Variants in CENPP observed in about 807,000 individuals in gnomAD.
The protein encoded by CENPP is centromere protein P.
A neutral mutation model predicts 35.6 loss-of-function variants in CENPP; 24 were observed. The ratio of observed to expected loss-of-function variants is 0.67; its 90% confidence interval spans 0.49 to 0.95. CENPP has a LOEUF of 0.95. CENPP is among the 40% of genes least tolerant of loss of function. The pLI, the probability that CENPP is intolerant of heterozygous loss-of-function variation, is 0.00. For synonymous variants in CENPP, 120 were observed against 125.5 expected, an observed-to-expected ratio of 0.96 and a Z score of 0.29; for missense variants, 332 against 345.3, an observed-to-expected ratio of 0.96 and a Z score of 0.31.
rs1263361470 is a variant in CENPP, at chr9:92,551,937, A to T, written c.565-59377A>T. On this transcript the variant is annotated intron_variant, in intron 5 of 7. Coordinates refer to ENST00000375587, the MANE Select transcript of CENPP (RefSeq NM_001012267.3). ...ATATGGTGTGTGTGTATATATATAT[A>T]TATATATATATATATGATATATATA... is the stretch of plus-strand genomic sequence containing the variant. Among the ~76,000 whole-genome samples, 5 of 98,374 alleles carry T rather than the reference A, an allele frequency of 5.1e-5. 1 individual carries two copies. Among genetic ancestry groups the T allele is most frequent in the African/African-American group, 2.1e-4 (3 of 14,412 alleles). 64.5% of individuals were successfully genotyped at this position (98,374 alleles called of 152,430 possible).
intron 5 of CENPP, among the ~76,000 whole-genome samples, chr9:92,498,914 CT>C (rs1435448123): frequency 6.6e-6 from 1 of 152,184 alleles, no homozygotes; most frequent in Non-Finnish European, 1.5e-5. Context: ...TCTGAACTTA[CT>C]TTCTTTTCAA....
chr9:92,430,493 A>T (rs113031941), intron 5 of CENPP, among the ~76,000 whole-genome samples: 1,657 of 150,626 alleles, frequency 0.011, 40 homozygotes, highest in African/African-American at 0.038. Context: ...AGTAGCTGGG[A>T]TTACAGGCAC....
At chr9:92,337,447 C>A (rs956852720) in intron 2 of CENPP, 94 bp from the exon 3 acceptor site, 2 of 734,412 alleles carry the variant, frequency 2.7e-6, no homozygotes, top group African/African-American at 1.8e-5. Context: ...CACATATACC[C>A]ACATGTATTG....
chr9:92,452,669 GA>G (rs1258318319), intron 5 of CENPP, among the ~76,000 whole-genome samples: 19 of 152,286 alleles, frequency 1.2e-4, no homozygotes, highest in Middle Eastern at 3.4e-3. Flanking sequence ...GTTTCAGAAG[GA>G]ATGGTACCAG....
chr9:92,583,029 G>A (rs2131368678), intron 5 of CENPP, among the ~76,000 whole-genome samples: 1 of 152,268 alleles, frequency 6.6e-6, no homozygotes, highest in South Asian at 2.1e-4. Flanking sequence ...ACAGGCACAT[G>A]GCAAAATGAT....
intron 5 of CENPP, among the ~76,000 whole-genome samples, chr9:92,452,821 G>C (rs1261719270): frequency 6.6e-6 from 1 of 152,138 alleles, no homozygotes; most frequent in South Asian, 2.1e-4. Context: ...TCCTGGTTTA[G>C]TCTTGGGAGG....
chr9:92,335,941 G>A (rs1323736165), intron 2 of CENPP, among the ~76,000 whole-genome samples: 1 of 152,160 alleles, frequency 6.6e-6, no homozygotes, highest in Non-Finnish European at 1.5e-5. Flanking sequence ...ATTTTGATTG[G>A]ATTGCATTGA....
chr9:92,618,257 G>C lies in CENPP; in HGVS notation c.*5108G>C. ...GGATGGTTCCAGTGCCTACACCCTA[G>C]GTCTGAGAAGCCACATGGCTCAGTG... On this transcript the variant is annotated 3_prime_UTR_variant, in exon 8 of 8. Transcript: ENST00000375587. 1 of 456,604 alleles carries C rather than the reference G, an allele frequency of 2.2e-6. No homozygotes were observed. Among genetic ancestry groups the C allele is most frequent in the Non-Finnish European group, 4.4e-6 (1 of 226,946 alleles). 28.3% of individuals were successfully genotyped at this position (456,604 alleles called of 1,614,324 possible).
chr9:92,476,500 TG>T lies in CENPP; in HGVS notation c.564+96643del, dbSNP rs1241567658. Among the ~76,000 whole-genome samples, 4 of 152,214 alleles carry T rather than the reference TG, an allele frequency of 2.6e-5. No individual in the cohort carries two copies. Among genetic ancestry groups the T allele is most frequent in the African/African-American group, 9.6e-5 (4 of 41,462 alleles). ...TTCTCATATGCTCCAAAAATCTAAA[TG>T]GTGGCATGAACATTTGCCCACTGGG... is the stretch of plus-strand genomic sequence containing the variant. On this transcript the variant is annotated intron_variant, in intron 5 of 7. Transcript: ENST00000375587. This position sits in a 1 kb window ranked among gnomAD's most constrained non-coding sequence, Gnocchi z 4.1.
intron 5 of CENPP, chr9:92,600,408 G>A: frequency 1.9e-6 from 3 of 1,610,670 alleles, no homozygotes; most frequent in Non-Finnish European, 2.5e-6. Context: ...TTCAACTCTG[G>A]GTTTCCCTGG....
At position 92,570,171 on chromosome 9, in the gene CENPP, A is replaced by T. The variant is rs938073069; in HGVS notation, c.565-41143A>T. 3.3e-5 allele frequency among the ~76,000 whole-genome samples: 5 copies of T among 152,080 alleles called. No individual in the cohort carries two copies. The South Asian group carries it at 8.3e-4, about 25-fold the overall frequency. ...CTGTCTTGTGCCAGTTTTCAAAGGG[A>T]GTGCTTCTAGTCTGCCCATTCAGTA... On this transcript the variant is annotated intron_variant, in intron 5 of 7. Transcript: ENST00000375587.
In CENPP at chr9:92,593,799, G is replaced by T. The variant is rs540023875; in HGVS notation, c.565-17515G>T. Among the ~76,000 whole-genome samples the T allele has an allele frequency of 6.6e-6, 1 of 152,218 alleles. No individual in the cohort carries two copies. The highest frequency in any genetic ancestry group is 2.1e-4 in the South Asian group (1 of 4,822). On this transcript the variant is annotated intron_variant, in intron 5 of 7. Coordinates refer to ENST00000375587, the MANE Select transcript of CENPP (RefSeq NM_001012267.3). This position sits in a 1 kb window ranked among gnomAD's most constrained non-coding sequence, Gnocchi z 4.1. ...CTTTAAATTCTTTCGGTAAAAAATG[G>T]GAGCCACTTATTAAAATAACCAAGC...
chr9:92,590,909 A>C (rs1431933572), intron 5 of CENPP, among the ~76,000 whole-genome samples: 1 of 152,250 alleles, frequency 6.6e-6, no homozygotes, highest in Non-Finnish European at 1.5e-5. Flanking sequence ...AGCTAATTCT[A>C]GTGGAACAAA....
In CENPP at chr9:92,493,101, T is replaced by C. The variant is rs530755449; in HGVS notation, c.564+113242T>C. ...GAGAAAGGGAAGAGAAGGCTGCATG[T>C]TCTTGATGGATTTTAAAACCTAGTG... On this transcript the variant is annotated intron_variant, in intron 5 of 7. Transcript: ENST00000375587. 4.6e-5 allele frequency among the ~76,000 whole-genome samples: 7 copies of C among 152,330 alleles called. No homozygotes were observed. The South Asian group carries it at 1.4e-3, about 32-fold the overall frequency.
chr9:92,473,407 C>A (rs1845598766), intron 5 of CENPP, among the ~76,000 whole-genome samples: 1 of 152,172 alleles, frequency 6.6e-6, no homozygotes, highest in Non-Finnish European at 1.5e-5. Flanking sequence ...TTTTGACTTA[C>A]AAAGTGCTTT....
intron 5 of CENPP, among the ~76,000 whole-genome samples, chr9:92,452,924 T>G (rs974626059): frequency 6.6e-5 from 10 of 152,256 alleles, no homozygotes; most frequent in African/African-American, 2.4e-4. Flanking sequence ...TAGTTTGTAT[T>G]TCTGTGGGAT....
chr9:92,616,158 G>GT lies in CENPP; in HGVS notation c.*3015dup, dbSNP rs1018436396. The GT allele has an allele frequency of 2.4e-6, 2 of 819,424 alleles. No individual in the cohort carries two copies. The highest frequency in any genetic ancestry group is 2.7e-5 in the East Asian group (1 of 37,272). The allele number at this position is 819,424 out of a possible 1,614,324, so 50.8% of individuals were successfully genotyped here. The stretch of plus-strand genomic sequence containing the variant: ...CTTCTTTCAACTAGTATGTTTTTAT[G>GT]TTTTTTCTTTGACTTCTGCAAAGTT... On this transcript the variant is annotated 3_prime_UTR_variant, in exon 8 of 8. Transcript: ENST00000375587.
At chr9:92,325,922 A>C (rs7860297), upstream of CENPP, 1 of 1,276,854 alleles carries the variant, frequency 7.8e-7, no homozygotes, top group Non-Finnish European at 1.1e-6. Context: ...AGCGCGCGCG[A>C]GGCTTGAAGC....
intron 5 of CENPP, chr9:92,404,679 T>C: frequency 8.0e-7 from 1 of 1,245,584 alleles, no homozygotes. Flanking sequence ...CCAGCATTCT[T>C]TCTCTAGGGT....
Sources: allele counts gnomAD v4.1 joint callset (sites outside exome capture counted in the v4.1 genomes callset), GRCh38; gene constraint gnomAD v4.1.1; non-coding constraint Gnocchi (gnomAD v3.1); transcripts MANE v1.5; gene names NCBI Gene and HGNC (gene_info 2026-07-23, HGNC 2026-07-21).